The following SPON1 variants were observed in gnomAD, a reference collection of about 807,000 sequenced individuals.
SPON1 encodes spondin-1.
A neutral mutation model predicts 111.7 loss-of-function variants in SPON1; 52 were observed. The ratio of observed to expected loss-of-function variants is 0.47; its 90% CI spans 0.37 to 0.59. The LOEUF is 0.59. SPON1 is among the 20% of genes least tolerant of loss of function. The pLI is 0.00. For missense variants in SPON1, 957 were observed against 1,068.5 expected (o/e 0.90, Z 1.46); for synonymous variants, 410 against 395.8 (o/e 1.04, Z -0.43).
At position 14,227,615 on chromosome 11, in the gene SPON1, C is replaced by T. The variant is rs563605359; in HGVS notation, c.826-15717C>T. On this transcript the variant is annotated intron_variant, in intron 6 of 15. Transcript: ENST00000576479. ...TTCTTTATTGTTCGGCCTCTCCTAA[C>T]TACTGCCATTTATTGAGCACTTAAT... Among the ~76,000 whole-genome samples, 7 of 152,318 alleles carry T rather than the reference C, an allele frequency of 4.6e-5. No homozygotes were observed. In the Middle Eastern group the frequency reaches 0.02, roughly 444 times the overall value.
chr11:14,117,780 C>T (rs1849277378), intron 5 of SPON1, among the ~76,000 whole-genome samples: 1 of 152,134 alleles, frequency 6.6e-6, no homozygotes, highest in Non-Finnish European at 1.5e-5. Flanking sequence ...TTCTTATTGA[C>T]AGAACAAAAG....
rs1849257710 is a variant in SPON1 at position 14,265,671 on chromosome 11, A to G, written c.2408A>G (p.Asn803Ser). 6.2e-7 allele frequency: 1 copy of G among 1,613,614 alleles called. No homozygotes were observed. The highest frequency in any genetic ancestry group is 8.5e-7 in the Non-Finnish European group (1 of 1,179,752). Residue 803 changes from asparagine (N) to serine (S), a missense_variant, in exon 16 of 16, where the codon AAT becomes AGT. By Grantham distance (46) the Asn-to-Ser change is conservative (BLOSUM62 1). This residue lies in a region of SPON1 where 549 missense variants were observed against 606.2 expected (regional missense o/e 0.91). Transcript: ENST00000576479. Reference sequence around the variant, plus strand: ...GACAAGAAGGAGATCAGAGCATGCAATGTTCATCCTTGTTAGCAAGGGTAC... The same window carrying G: ...GACAAGAAGGAGATCAGAGCATGCAGTGTTCATCCTTGTTAGCAAGGGTAC... ...CKDKKEIRAC[N>S]VHPC
rs137905447 is a variant in SPON1 at position 14,207,431 on chromosome 11, G to A, written c.826-35901G>A. On this transcript the variant is annotated intron_variant, in intron 6 of 15. Coordinates refer to ENST00000576479, the MANE Select transcript of SPON1 (RefSeq NM_006108.4). Reference sequence around the variant, plus strand: ...TCAACAGAGTAAACAGACAACCTACGGAATAGGAGAAAAATTTTGCAAACT... The same window carrying A: ...TCAACAGAGTAAACAGACAACCTACAGAATAGGAGAAAAATTTTGCAAACT... 5.3e-3 allele frequency among the ~76,000 whole-genome samples: 802 copies of A among 152,124 alleles called. 6 individuals are homozygous for A. Among genetic ancestry groups the A allele is most frequent in the African/African-American group, 0.018 (752 of 41,514 alleles).
At chr11:13,975,205 G>A (rs957481156) in intron 1 of SPON1, among the ~76,000 whole-genome samples, 1 of 152,122 alleles carries the variant, frequency 6.6e-6, no homozygotes, top group Admixed American at 6.5e-5. Flanking sequence ...CTCCTAGAGA[G>A]CAGACGCCAT....
intron 6 of SPON1, among the ~76,000 whole-genome samples, chr11:14,190,499 C>G (rs1308948211): frequency 2.0e-5 from 3 of 150,738 alleles, no homozygotes; most frequent in African/African-American, 7.3e-5. Flanking sequence ...TCCTTCTTTA[C>G]TTCCTTCCTT....
intron 5 of SPON1, among the ~76,000 whole-genome samples, chr11:14,118,450 G>A (rs75571052): frequency 0.021 from 3,256 of 152,272 alleles, 111 homozygotes; most frequent in African/African-American, 0.074. Context: ...TATTGTACCA[G>A]TGGGAATGAG....
intron 5 of SPON1, among the ~76,000 whole-genome samples, chr11:14,128,512 C>T (rs1429488335): frequency 1.3e-5 from 2 of 152,226 alleles, no homozygotes; most frequent in African/African-American, 4.8e-5. Context: ...TGAGGCTCTG[C>T]AGGGTACAGC....
chr11:14,267,128 G>C lies in SPON1; in HGVS notation c.*1441G>C, dbSNP rs1849280396. 6.6e-6 allele frequency: 1 copy of C among 152,148 alleles called. No individual in the cohort carries two copies. The highest frequency in any genetic ancestry group is 2.4e-5 in the African/African-American group (1 of 41,438). 9.4% of individuals were successfully genotyped at this position (152,148 alleles called of 1,614,324 possible). A position where few individuals can be genotyped will look rare whatever the true frequency, so the allele number is the denominator to read the frequency against. On this transcript the variant is annotated 3_prime_UTR_variant, in exon 16 of 16. Transcript: ENST00000576479. ...CTACGAATTTGTATTAAACACATCA[G>C]AATATTTCCAAATACAACATAGTAT...
chr11:14,017,568 A>T (rs1184816786), intron 2 of SPON1, among the ~76,000 whole-genome samples: 4 of 152,156 alleles, frequency 2.6e-5, no homozygotes, highest in African/African-American at 4.8e-5. Flanking sequence ...CAGCCTTGTG[A>T]TGGAGACAGA....
At chr11:14,133,335 C>T (rs955745663) in intron 5 of SPON1, among the ~76,000 whole-genome samples, 2 of 152,174 alleles carry the variant, frequency 1.3e-5, no homozygotes, top group Non-Finnish European at 2.9e-5. Context: ...TGAAGTCAGG[C>T]TCCCTCAAGA....
At chr11:14,149,142 A>G (rs1554929653) in intron 6 of SPON1, among the ~76,000 whole-genome samples, 1 of 152,132 alleles carries the variant, frequency 6.6e-6, no homozygotes, top group Non-Finnish European at 1.5e-5. Flanking sequence ...AAAGGAAGGC[A>G]TTGTTATCCT....
At chr11:14,109,530 A>C (rs1554925235) in intron 5 of SPON1, among the ~76,000 whole-genome samples, 1 of 152,116 alleles carries the variant, frequency 6.6e-6, no homozygotes, top group East Asian at 1.9e-4. Context: ...GAGAATTTGC[A>C]TTGTTTTGCA....
At chr11:14,129,414 T>A (rs1260235169) in intron 5 of SPON1, among the ~76,000 whole-genome samples, 1 of 152,232 alleles carries the variant, frequency 6.6e-6, no homozygotes, top group Non-Finnish European at 1.5e-5. Context: ...AGAAAAATGC[T>A]GCCGCTCCCT....
chr11:14,256,823 T>C, intron 10 of SPON1, 131 bp downstream of exon 10: 1 of 702,270 alleles, frequency 1.4e-6, no homozygotes, highest in African/African-American at 1.8e-5. Context: ...TGAGGATTTC[T>C]CCTCAAGAAA....
chr11:14,189,123 CAA>C (rs1229156669), intron 6 of SPON1, among the ~76,000 whole-genome samples: 1 of 152,108 alleles, frequency 6.6e-6, no homozygotes, highest in Non-Finnish European at 1.5e-5. Flanking sequence ...GTGGAATGCA[CAA>C]AGAGGTTCAA....
At chr11:14,175,220 C>G (rs1197338434) in intron 6 of SPON1, among the ~76,000 whole-genome samples, 1 of 152,178 alleles carries the variant, frequency 6.6e-6, no homozygotes, top group East Asian at 1.9e-4. Context: ...CCTAGAGAAG[C>G]CAGTTTCAAG....
At chr11:14,210,657 C>G (rs1166478670) in intron 6 of SPON1, among the ~76,000 whole-genome samples, 2 of 152,098 alleles carry the variant, frequency 1.3e-5, no homozygotes, top group African/African-American at 2.4e-5. Context: ...CTTGGCCTCC[C>G]AAAGTGCTAG....
intron 3 of SPON1, among the ~76,000 whole-genome samples, chr11:14,048,630 G>A (rs1200630954): frequency 6.6e-6 from 1 of 152,168 alleles, no homozygotes; most frequent in Non-Finnish European, 1.5e-5. Context: ...CCCTACAAAT[G>A]AGCGACCCAG....
intron 2 of SPON1, among the ~76,000 whole-genome samples, chr11:14,028,146 T>A (rs1039822662): frequency 1.2e-4 from 18 of 152,170 alleles, no homozygotes; most frequent in African/African-American, 3.9e-4. Context: ...CCCACTTCAC[T>A]GGATTATTGT....
Sources: allele counts gnomAD v4.1 joint callset (sites outside exome capture counted in the v4.1 genomes callset), GRCh38; gene constraint gnomAD v4.1.1; regional missense constraint gnomAD v4.1.1; transcripts MANE v1.5; gene names NCBI Gene and HGNC (gene_info 2026-07-23, HGNC 2026-07-21).